Variants in STARD10 observed in about 807,000 individuals in gnomAD.
The protein encoded by STARD10 is START domain-containing protein 10.
A neutral mutation model predicts 36.0 loss-of-function variants in STARD10; 24 were observed. The observed-to-expected ratio is 0.67, with a 90% CI of 0.48 to 0.94. The LOEUF is 0.94. STARD10 is among the 40% of genes least tolerant of loss of function. The pLI is 0.00. For missense variants in STARD10, 335 were observed against 396.6 expected (o/e 0.84, Z 1.32); for synonymous variants, 156 against 161.9 (o/e 0.96, Z 0.28).
chr11:72,773,868 G>T (rs1410656945), intron 2 of STARD10, among the ~76,000 whole-genome samples: 1 of 152,238 alleles, frequency 6.6e-6, no homozygotes, highest in Non-Finnish European at 1.5e-5. Flanking sequence ...AGCAGGGTCT[G>T]ATCTGTGTGG....
intron 2 of STARD10, chr11:72,780,060 T>A: frequency 5.8e-6 from 2 of 347,758 alleles, no homozygotes; most frequent in South Asian, 2.0e-5. Flanking sequence ...GCACAGCCTA[T>A]TGCCAGAGCC....
In STARD10 at chr11:72,781,865, G is replaced by C. The variant is rs1269538986; in HGVS notation, c.-113-571C>G. ...GGGGGCTCGGGGGCTCGGCGGCCGC[G>C]GCTCGGGATTTTCCAGGCTGCGGAG... On this transcript the variant is annotated intron_variant, in intron 1 of 6. Coordinates refer to ENST00000334805, the MANE Select transcript of STARD10 (RefSeq NM_006645.3). The surrounding 1 kb of genome is among the most constrained non-coding windows in gnomAD (Gnocchi z 4.7). 1 of 150,770 alleles carries C rather than the reference G, an allele frequency of 6.6e-6. No homozygotes were observed. Among genetic ancestry groups the C allele is most frequent in the Admixed American group, 6.6e-5 (1 of 15,206 alleles). The allele number at this position is 150,770 out of a possible 1,614,324, so 9.3% of individuals were successfully genotyped here. A position where few individuals can be genotyped will look rare whatever the true frequency, so the allele number is the denominator to read the frequency against.
Position 72,757,754 on chromosome 11 carries a change from G to T in STARD10, c.577+13C>A. On this transcript the variant is annotated intron_variant, in intron 5 of 6. Transcript: ENST00000334805. Reference sequence around the variant, plus strand: ...AAGGATCCCATGATAGGCTGCCAGGGCCAAGCCCTCACCTTTGGGGTCCAC... The same window carrying T: ...AAGGATCCCATGATAGGCTGCCAGGTCCAAGCCCTCACCTTTGGGGTCCAC... 6.2e-7 allele frequency: 1 copy of T among 1,612,168 alleles called. No individual in the cohort carries two copies. The highest frequency in any genetic ancestry group is 8.5e-7 in the Non-Finnish European group (1 of 1,178,652).
intron 3 of STARD10, 109 bp downstream of exon 3, chr11:72,759,125 G>A (rs140202666): frequency 4.5e-4 from 617 of 1,367,556 alleles, no homozygotes; most frequent in Non-Finnish European, 6.0e-4. Context: ...AAGTCTCCGA[G>A]CAGCTTGGTC....
chr11:72,758,256 C>G (rs1438607643), intron 4 of STARD10, among the ~76,000 whole-genome samples: 6 of 152,204 alleles, frequency 3.9e-5, no homozygotes, highest in Admixed American at 2.0e-4. Flanking sequence ...TGCCTCTCAC[C>G]TCTTGTTCCT....
chr11:72,783,669 G>C (rs369066669), intron 1 of STARD10: 16 of 152,646 alleles, frequency 1.0e-4, no homozygotes, highest in African/African-American at 3.6e-4. Context: ...ACGAGGAAAA[G>C]AGGTGGCAGC....
chr11:72,792,286 C>A (rs1485099999), intron 1 of STARD10, among the ~76,000 whole-genome samples: 1 of 151,910 alleles, frequency 6.6e-6, no homozygotes, highest in African/African-American at 2.4e-5. Flanking sequence ...AACCCCCAAC[C>A]TCAGGTGATC....
rs369319448 is a variant in STARD10 at position 72,781,831 on chromosome 11, TGGGGGCTC to T, written c.-113-545_-113-538del. ...CCCCGCGCGCCCCTCCCGGCTAGGC[TGGGGGCTC>T]GGGGGCTCGGGGGCTCGGCGGCCGC... On this transcript the variant is annotated intron_variant, in intron 1 of 6. Coordinates refer to ENST00000334805, the MANE Select transcript of STARD10 (RefSeq NM_006645.3). This position sits in a 1 kb window ranked among gnomAD's most constrained non-coding sequence, Gnocchi z 4.7. The T allele has an allele frequency of 0.66, 98,049 of 148,158 alleles. 32,590 individuals are homozygous for T. Among genetic ancestry groups the T allele is most frequent in the South Asian group, 0.77 (3,670 of 4,770 alleles). 9.2% of individuals were successfully genotyped at this position (148,158 alleles called of 1,614,324 possible).
intron 2 of STARD10, chr11:72,780,240 C>A: frequency 2.5e-6 from 1 of 406,554 alleles, no homozygotes; most frequent in Non-Finnish European, 5.1e-6. Context: ...CTGCCCTGCA[C>A]GGCAAAGAGA....
At chr11:72,776,562 T>G (rs1249326387) in intron 2 of STARD10, among the ~76,000 whole-genome samples, 1 of 152,042 alleles carries the variant, frequency 6.6e-6, no homozygotes, top group African/African-American at 2.4e-5. Context: ...AGTGGCGAGA[T>G]CTCAGCCTTG....
chr11:72,766,410 T>C (rs913460331), intron 2 of STARD10, among the ~76,000 whole-genome samples: 1 of 151,204 alleles, frequency 6.6e-6, no homozygotes. Context: ...AACCTCAAGA[T>C]AGCACGAGCA....
chr11:72,770,254 T>C (rs954896476), intron 2 of STARD10, among the ~76,000 whole-genome samples: 2 of 152,242 alleles, frequency 1.3e-5, no homozygotes, highest in Non-Finnish European at 2.9e-5. Flanking sequence ...AGTTTGGCTC[T>C]GTCGCCCAGG....
chr11:72,776,329 G>T (rs551859734), intron 2 of STARD10, among the ~76,000 whole-genome samples: 1 of 152,324 alleles, frequency 6.6e-6, no homozygotes, highest in African/African-American at 2.4e-5. Flanking sequence ...GCAGAGCCAA[G>T]CTAGAGCCTG....
At chr11:72,774,616 T>C (rs964353070) in intron 2 of STARD10, among the ~76,000 whole-genome samples, 1 of 152,242 alleles carries the variant, frequency 6.6e-6, no homozygotes, top group African/African-American at 2.4e-5. Flanking sequence ...TTCCCCAACC[T>C]GTTGCCAGAG....
chr11:72,789,745 C>G (rs113865434), intron 1 of STARD10, among the ~76,000 whole-genome samples: 2 of 152,148 alleles, frequency 1.3e-5, no homozygotes, highest in African/African-American at 2.4e-5. Flanking sequence ...CAAGGTTCAC[C>G]CTAGGTTCCA....
intron 6 of STARD10, chr11:72,755,474 C>T (rs1858631759): frequency 1.7e-6 from 1 of 601,018 alleles, no homozygotes; most frequent in Non-Finnish European, 3.0e-6. Context: ...TCACACTCAG[C>T]TAATTTTTGT....
intron 2 of STARD10, among the ~76,000 whole-genome samples, chr11:72,766,606 A>AC (rs900022381): frequency 1.4e-4 from 21 of 150,082 alleles, no homozygotes; most frequent in Non-Finnish European, 3.1e-4. Context: ...ATCTCACTCT[A>AC]CCCCCCACCT....
rs374791926 is a variant in STARD10 at position 72,755,038 on chromosome 11, C to G, written c.735G>C (p.Pro245=). The G allele has an allele frequency of 6.2e-7, 1 of 1,613,132 alleles. No individual in the cohort carries two copies. Among genetic ancestry groups the G allele is most frequent in the Non-Finnish European group, 8.5e-7 (1 of 1,179,686 alleles). Residue 245 remains proline, a synonymous_variant, in exon 7 of 7, where the codon CCG becomes CCC. Transcript: ENST00000334805. ...CCGACAGCTCCGACAGCGCCAGGCT[C>G]GGCAACGGGCTCTGCTCCGGGTGCA... ...PWLHPEQSPL[P]SLALSELSVQ...
At chr11:72,762,205 T>C (rs1178283095) in intron 2 of STARD10, among the ~76,000 whole-genome samples, 5 of 152,120 alleles carry the variant, frequency 3.3e-5, no homozygotes, top group East Asian at 1.9e-4. Context: ...GGATTACAGG[T>C]GTGAGCCACT....
Sources: gnomAD v4.1 joint callset for allele counts (sites outside exome capture counted in the v4.1 genomes callset) on GRCh38, gnomAD v4.1.1 for gene constraint, Gnocchi (gnomAD v3.1) non-coding constraint, MANE v1.5 for transcripts, NCBI Gene and HGNC (gene_info 2026-07-23, HGNC 2026-07-21) for gene names.